Variants in RPL14 observed in about 807,000 individuals in gnomAD.
The protein encoded by RPL14 is ribosomal protein L14.
Under a neutral mutation model 25.3 loss-of-function variants are expected in RPL14, and 4 were observed. The observed-to-expected ratio is 0.16, with a 90% CI of 0.08 to 0.36. RPL14 has a LOEUF of 0.36. RPL14 is among the 10% of genes least tolerant of loss of function. The probability of loss-of-function intolerance (pLI) is 1.00; values close to 1 mark genes in which losing one functional copy is unlikely to be tolerated. For synonymous variants in RPL14, 75 were observed against 89.8 expected (o/e 0.84, Z 0.93); for missense variants, 212 against 261.9 (o/e 0.81, Z 1.31).
rs1190287601 is a variant in RPL14 at position 40,462,718 on chromosome 3, A to G, written c.*486A>G. On this transcript the variant is annotated 3_prime_UTR_variant, in exon 6 of 6. Transcript: ENST00000396203. ...AATCTCACTCTCTGCCCATACTTGGATAGGTAGTGCAAAATCATTGCAGTC... is the reference window on the plus strand; with the variant it reads ...AATCTCACTCTCTGCCCATACTTGGGTAGGTAGTGCAAAATCATTGCAGTC... 6.5e-6 allele frequency: 1 copy of G among 153,798 alleles called. No individual in the cohort carries two copies. The highest frequency in any genetic ancestry group is 1.4e-5 in the Non-Finnish European group (1 of 69,258). The allele number at this position is 153,798 out of a possible 1,614,324, so 9.5% of individuals were successfully genotyped here.
At chr3:40,461,850 A>T in intron 5 of RPL14, 89 bp from the exon 6 acceptor site, 2 of 1,417,320 alleles carry the variant, frequency 1.4e-6, no homozygotes, top group Non-Finnish European at 1.9e-6. Context: ...AGGGAAACAG[A>T]CTACTTAATG....
In RPL14 at chr3:40,465,057, T is replaced by C. The variant is rs6771527; in HGVS notation, c.*2825T>C. The C allele has an allele frequency of 0.69, 106,183 of 152,932 alleles. 37,065 individuals are homozygous for C. The highest frequency in any genetic ancestry group is 0.75 in the African/African-American group (31,009 of 41,484). 9.5% of individuals were successfully genotyped at this position (152,932 alleles called of 1,614,324 possible). A position where few individuals can be genotyped will look rare whatever the true frequency, so the allele number is the denominator to read the frequency against. ...ATATGTAGTCCAGTGACTGGTTCCC[T>C]TGGTAAGAGCTGTGATAATGACACA... On this transcript the variant is annotated 3_prime_UTR_variant, in exon 6 of 6. Coordinates refer to ENST00000396203, the MANE Select transcript of RPL14 (RefSeq NM_001034996.3).
Position 40,462,359 on chromosome 3 carries a change from T to C in RPL14, c.*127T>C, listed in dbSNP as rs1208977297. Reference sequence around the variant, plus strand: ...TTGATAGTAGGATTATAATAAACATTAAATAATCAGTTCCTTTTTTTTTTT... The same window carrying C: ...TTGATAGTAGGATTATAATAAACATCAAATAATCAGTTCCTTTTTTTTTTT... On this transcript the variant is annotated 3_prime_UTR_variant, in exon 6 of 6. Coordinates refer to ENST00000396203, the MANE Select transcript of RPL14 (RefSeq NM_001034996.3). The C allele has an allele frequency of 3.9e-6, 3 of 764,914 alleles. No individual in the cohort carries two copies. The highest frequency in any genetic ancestry group is 5.9e-6 in the Non-Finnish European group (3 of 505,608). The allele number at this position is 764,914 out of a possible 1,614,324, so 47.4% of individuals were successfully genotyped here.
chr3:40,462,390 T>TTG lies in RPL14; in HGVS notation c.*159_*160insGT. 1.2e-6 allele frequency: 1 copy of TTG among 828,420 alleles called. No homozygotes were observed. The highest frequency in any genetic ancestry group is 1.8e-6 in the Non-Finnish European group (1 of 561,436). The allele number at this position is 828,420 out of a possible 1,614,324, so 51.3% of individuals were successfully genotyped here. On this transcript the variant is annotated 3_prime_UTR_variant, in exon 6 of 6. Transcript: ENST00000396203. ...ATCAGTTCCTTTTTTTTTTTTTTTTTTTTTGAGATGGAGTCTCGTTCTGTT... is the reference window on the plus strand; with the variant it reads ...ATCAGTTCCTTTTTTTTTTTTTTTTTTGTTTTGAGATGGAGTCTCGTTCTGTT...
rs1177516316 is a variant in RPL14, at chr3:40,461,984, G to C, written c.400G>C (p.Ala134Pro). 1.2e-5 allele frequency: 19 copies of C among 1,606,744 alleles called. No homozygotes were observed. The highest frequency in any genetic ancestry group is 1.5e-5 in the Non-Finnish European group (18 of 1,176,326). Residue 134 changes from alanine to proline, a missense_variant, in exon 6 of 6, where the codon GCT (alanine) becomes CCT (proline). Ala to Pro is a conservative substitution (Grantham distance 27). Coordinates refer to ENST00000396203, the MANE Select transcript of RPL14 (RefSeq NM_001034996.3). Reference protein sequence around the residue: ...KNEVKKLQKAALLKASPKKAP... With the variant: ...KNEVKKLQKAPLLKASPKKAP... ...TGAAGTTAAGAAGCTTCAAAAGGCAGCTCTCCTGAAAGCTTCTCCCAAAAA... is the reference window on the plus strand; with the variant it reads ...TGAAGTTAAGAAGCTTCAAAAGGCACCTCTCCTGAAAGCTTCTCCCAAAAA...
intron 1 of RPL14, 78 bp downstream of exon 1, chr3:40,457,552 G>A: frequency 2.4e-6 from 3 of 1,248,190 alleles, no homozygotes; most frequent in Non-Finnish European, 1.1e-6. Context: ...CGCCGCTGGC[G>A]AGCGCGTGGA....
chr3:40,461,053 G>A (rs897348955), intron 3 of RPL14, among the ~76,000 whole-genome samples: 1 of 152,024 alleles, frequency 6.6e-6, no homozygotes, highest in Non-Finnish European at 1.5e-5. Context: ...AAAATTAGCT[G>A]GGTGTGCTGG....
chr3:40,457,360 C>A lies in RPL14; in HGVS notation c.-112C>A, dbSNP rs200788022. ...CTTCCTTCTCGCCTAACGCCGCCAA[C>A]ATGGTGAGTCTTACTGTTGCGGGCT... On this transcript the variant is annotated 5_prime_UTR_variant, in exon 1 of 6. Coordinates refer to ENST00000396203, the MANE Select transcript of RPL14 (RefSeq NM_001034996.3). 6.2e-7 allele frequency: 1 copy of A among 1,606,988 alleles called. No individual in the cohort carries two copies. Among genetic ancestry groups the A allele is most frequent in the Non-Finnish European group, 8.5e-7 (1 of 1,176,750 alleles).
In RPL14 at chr3:40,462,373, C is replaced by CTTTTTTTTTTT. The variant is rs35229215; in HGVS notation, c.*152_*162dup. On this transcript the variant is annotated 3_prime_UTR_variant, in exon 6 of 6. Transcript: ENST00000396203. Reference sequence around the variant, plus strand: ...ATAATAAACATTAAATAATCAGTTCCTTTTTTTTTTTTTTTTTTTTTGAGA... The same window carrying CTTTTTTTTTTT: ...ATAATAAACATTAAATAATCAGTTCCTTTTTTTTTTTTTTTTTTTTTTTTTTTTTTTTGAGA... 2.7e-5 allele frequency: 9 copies of CTTTTTTTTTTT among 332,516 alleles called. No homozygotes were observed. The highest frequency in any genetic ancestry group is 1.0e-4 in the African/African-American group (3 of 28,652). The allele number at this position is 332,516 out of a possible 1,614,324, so 20.6% of individuals were successfully genotyped here. A position where few individuals can be genotyped will look rare whatever the true frequency, so the allele number is the denominator to read the frequency against.
At position 40,464,469 on chromosome 3, in the gene RPL14, G is replaced by A. The variant is rs761556384; in HGVS notation, c.*2237G>A. 1 of 456,018 alleles carries A rather than the reference G, an allele frequency of 2.2e-6. No individual in the cohort carries two copies. The highest frequency in any genetic ancestry group is 1.5e-5 in the South Asian group (1 of 64,568). The allele number at this position is 456,018 out of a possible 1,614,324, so 28.2% of individuals were successfully genotyped here. On this transcript the variant is annotated 3_prime_UTR_variant, in exon 6 of 6. Transcript: ENST00000396203. ...GCATCTATACCTAAAATAAGAAGAAGGTGGTGTAAGGGGAAGAATGACACG... is the reference window on the plus strand; with the variant it reads ...GCATCTATACCTAAAATAAGAAGAAAGTGGTGTAAGGGGAAGAATGACACG...
chr3:40,466,619 C>G lies in RPL14; in HGVS notation c.*4387C>G, dbSNP rs1021926777. The G allele has an allele frequency of 1.3e-5, 2 of 151,840 alleles. No homozygotes were observed. Among genetic ancestry groups the G allele is most frequent in the African/African-American group, 4.8e-5 (2 of 41,350 alleles). The allele number at this position is 151,840 out of a possible 1,614,324, so 9.4% of individuals were successfully genotyped here. On this transcript the variant is annotated 3_prime_UTR_variant, in exon 6 of 6. Transcript: ENST00000396203. ...TTTATGTTACTTATGGGAACCTCATCTAAAAAGCAAGGATCCTGATACCTG... is the reference window on the plus strand; with the variant it reads ...TTTATGTTACTTATGGGAACCTCATGTAAAAAGCAAGGATCCTGATACCTG...
chr3:40,457,634 G>A, intron 1 of RPL14, 160 bp downstream of exon 1: 1 of 687,598 alleles, frequency 1.5e-6, no homozygotes, highest in Non-Finnish European at 2.4e-6. Flanking sequence ...TGGCTGATGC[G>A]GCTCGTGGTC....
rs35229215 is a variant in RPL14, at chr3:40,462,373, CTTTTTTTTT to C, written c.*154_*162del. 7 of 332,490 alleles carry C rather than the reference CTTTTTTTTT, an allele frequency of 2.1e-5. No individual in the cohort carries two copies. The highest frequency in any genetic ancestry group is 6.9e-5 in the Admixed American group (1 of 14,456). 20.6% of individuals were successfully genotyped at this position (332,490 alleles called of 1,614,324 possible). A position where few individuals can be genotyped will look rare whatever the true frequency, so the allele number is the denominator to read the frequency against. ...ATAATAAACATTAAATAATCAGTTCCTTTTTTTTTTTTTTTTTTTTTGAGATGGAGTCTC... is the reference window on the plus strand; with the variant it reads ...ATAATAAACATTAAATAATCAGTTCCTTTTTTTTTTTTGAGATGGAGTCTC... On this transcript the variant is annotated 3_prime_UTR_variant, in exon 6 of 6. Transcript: ENST00000396203.
rs1403887069 is a variant in RPL14, at chr3:40,464,569, A to G, written c.*2337A>G. The G allele has an allele frequency of 4.4e-6, 2 of 454,888 alleles. No homozygotes were observed. The highest frequency in any genetic ancestry group is 8.8e-6 in the Non-Finnish European group (2 of 226,328). 28.2% of individuals were successfully genotyped at this position (454,888 alleles called of 1,614,324 possible). On this transcript the variant is annotated 3_prime_UTR_variant, in exon 6 of 6. Transcript: ENST00000396203. ...ATCAAGGAAGTAGGTTAGTGGTTAG[A>G]TCGTGTAGGGGAACACGGGAAGCTA...
Position 40,463,235 on chromosome 3 carries a change from T to G in RPL14, c.*1003T>G, listed in dbSNP as rs751851747. ...TTTTTTGTTTTTTTGAGACAGAGTC[T>G]TGATCTTATCACCCAGGCTGGAGTG... On this transcript the variant is annotated 3_prime_UTR_variant, in exon 6 of 6. Transcript: ENST00000396203. 2 of 151,330 alleles carry G rather than the reference T, an allele frequency of 1.3e-5. No individual in the cohort carries two copies. Among genetic ancestry groups the G allele is most frequent in the Non-Finnish European group, 2.9e-5 (2 of 67,896 alleles). The allele number at this position is 151,330 out of a possible 1,614,324, so 9.4% of individuals were successfully genotyped here.
chr3:40,462,577 C>T lies in RPL14; in HGVS notation c.*345C>T, dbSNP rs1171056120. ...ATTTTTAGTAGAGACGGGGTTTCAC[C>T]GTGTTAGCCAGGATGGTCTCGCTCT... is the stretch of plus-strand genomic sequence containing the variant. On this transcript the variant is annotated 3_prime_UTR_variant, in exon 6 of 6. Coordinates refer to ENST00000396203, the MANE Select transcript of RPL14 (RefSeq NM_001034996.3). 1.1e-5 allele frequency: 2 copies of T among 181,474 alleles called. No homozygotes were observed. The highest frequency in any genetic ancestry group is 2.4e-5 in the African/African-American group (1 of 41,676). 11.2% of individuals were successfully genotyped at this position (181,474 alleles called of 1,614,324 possible).
chr3:40,461,377 T>G (rs78449513), intron 3 of RPL14, 30 bp from the exon 4 acceptor site: 2 of 1,593,004 alleles, frequency 1.3e-6, no homozygotes, highest in African/African-American at 2.7e-5. Flanking sequence ...CAAAGCTGAT[T>G]TCTTAATCTG....
Position 40,457,423 on chromosome 3 carries a change from G to A in RPL14, c.-49G>A. The A allele has an allele frequency of 6.3e-7, 1 of 1,588,178 alleles. No individual in the cohort carries two copies. Among genetic ancestry groups the A allele is most frequent in the Middle Eastern group, 1.7e-4 (1 of 5,952 alleles). ...ACCATGCCGCTCGACCTCCACCTCCGCTGGGAAGCTGAGGCGCCAAACGGC... is the reference window on the plus strand; with the variant it reads ...ACCATGCCGCTCGACCTCCACCTCCACTGGGAAGCTGAGGCGCCAAACGGC... On this transcript the variant is annotated 5_prime_UTR_variant, in exon 1 of 6. Coordinates refer to ENST00000396203, the MANE Select transcript of RPL14 (RefSeq NM_001034996.3).
chr3:40,459,011 T>A (rs2125624662), intron 3 of RPL14: 1 of 339,136 alleles, frequency 2.9e-6, no homozygotes, highest in African/African-American at 2.1e-5. Context: ...CCCCCATCTC[T>A]ACAAAAAATA....
Sources: gnomAD v4.1 joint callset for allele counts (sites outside exome capture counted in the v4.1 genomes callset) on GRCh38, gnomAD v4.1.1 for gene constraint, MANE v1.5 for transcripts, NCBI Gene and HGNC (gene_info 2026-07-23, HGNC 2026-07-21) for gene names.